The following PAMR1 variants were observed in gnomAD, a reference collection of about 807,000 sequenced individuals.
PAMR1 encodes the protein peptidase domain containing associated with muscle regeneration 1.
In PAMR1, 88 loss-of-function variants were observed where a neutral mutation model predicts 81.8. The observed-to-expected ratio is 1.08, with a 90% confidence interval of 0.91 to 1.28. PAMR1 has a LOEUF of 1.28. Ranked by LOEUF, PAMR1 falls within the 50% of genes most tolerant of loss-of-function variation. The pLI, the probability that PAMR1 is intolerant of heterozygous loss-of-function variation, is 0.00. For missense variants in PAMR1, 935 were observed against 919.7 expected, an observed-to-expected ratio of 1.02 and a Z score of -0.21; for synonymous variants, 336 against 345.3, an observed-to-expected ratio of 0.97 and a Z score of 0.30.
chr11:35,528,450 T>G (rs1851423686), upstream of PAMR1, among the ~76,000 whole-genome samples: 1 of 152,246 alleles, frequency 6.6e-6, no homozygotes, highest in Admixed American at 6.5e-5. Context: ...TTGTTTGTCT[T>G]GCCACTTCTC....
At chr11:35,494,410 T>C (rs1850686298) in intron 1 of PAMR1, 138 bp from the exon 2 acceptor site, 1 of 672,944 alleles carries the variant, frequency 1.5e-6, no homozygotes, top group Admixed American at 2.4e-5. Flanking sequence ...CTCGGCTCAC[T>C]GTAAGCTCTG....
upstream of PAMR1, among the ~76,000 whole-genome samples, chr11:35,529,543 G>A (rs1427960230): frequency 6.6e-6 from 1 of 152,140 alleles, no homozygotes; most frequent in Non-Finnish European, 1.5e-5. Context: ...GTACACTTGG[G>A]CATGTTATTT....
intron 1 of PAMR1, 66 bp downstream of exon 1, chr11:35,525,447 C>T: frequency 7.4e-7 from 1 of 1,354,552 alleles, no homozygotes; most frequent in South Asian, 1.2e-5. Flanking sequence ...CCCAGGCAGA[C>T]CCCAGGAGGA....
At position 35,492,076 on chromosome 11, in the gene PAMR1, G is replaced by T. The variant is rs772287916; in HGVS notation, c.348C>A (p.Cys116Ter). Residue 116 changes from cysteine to a stop codon, truncating the protein, a stop_gained, in exon 3 of 11, where the codon TGC becomes TGA. Coordinates refer to ENST00000619888, the MANE Select transcript of PAMR1 (RefSeq NM_001001991.3). LOFTEE classifies it high-confidence loss of function. ...FYVKGFYCAE[C>*]RAGWYGGDCM... ...AGTCTCCTCCGTACCAGCCTGCTCG[G>T]CACTCTGCACAGTAGAACCCCTTCA... 6 of 1,613,812 alleles carry T rather than the reference G, an allele frequency of 3.7e-6. No homozygotes were observed. In the South Asian group the frequency reaches 5.5e-5, roughly 15 times the overall value.
chr11:35,477,761 T>C (rs1480431644), intron 3 of PAMR1, among the ~76,000 whole-genome samples: 2 of 152,194 alleles, frequency 1.3e-5, no homozygotes, highest in African/African-American at 4.8e-5. Context: ...TTTGCTGATA[T>C]GTTAAACTGT....
intron 6 of PAMR1, chr11:35,453,421 G>A (rs943164032): frequency 1.3e-5 from 2 of 152,120 alleles, no homozygotes; most frequent in East Asian, 1.9e-4. Flanking sequence ...CTGTACATTC[G>A]TATCTTTTAA....
At chr11:35,493,479 A>C (rs1028611568) in intron 2 of PAMR1, among the ~76,000 whole-genome samples, 3 of 151,838 alleles carry the variant, frequency 2.0e-5, no homozygotes, top group Admixed American at 6.6e-5. Flanking sequence ...CATCACATAC[A>C]CATTTCTCCT....
chr11:35,481,053 C>T (rs1483994793), intron 3 of PAMR1, among the ~76,000 whole-genome samples: 4 of 152,220 alleles, frequency 2.6e-5, no homozygotes, highest in Non-Finnish European at 5.9e-5. Flanking sequence ...TTTATGGCTA[C>T]ATAATATTCC....
intron 1 of PAMR1, among the ~76,000 whole-genome samples, chr11:35,504,787 T>C (rs1293348561): frequency 1.3e-5 from 2 of 152,028 alleles, no homozygotes; most frequent in Non-Finnish European, 2.9e-5. Flanking sequence ...AGCTAAAGGT[T>C]TGTTGATTTT....
At position 35,456,694 on chromosome 11, in the gene PAMR1, C is replaced by A. The variant is rs1856539978; in HGVS notation, c.820+11307G>T. On this transcript the variant is annotated intron_variant, in intron 6 of 10. Transcript: ENST00000619888. ...AGGCACTTCTTTATGATAGGAGCAG[C>A]CATTTTCAAACATGCTGCATAGCAT... Among the ~76,000 whole-genome samples, 5 of 152,152 alleles carry A rather than the reference C, an allele frequency of 3.3e-5. No homozygotes were observed. In the South Asian group the frequency reaches 1.0e-3, roughly 32 times the overall value.
chr11:35,445,982 G>A (rs1368899250), intron 6 of PAMR1, among the ~76,000 whole-genome samples: 4 of 152,082 alleles, frequency 2.6e-5, no homozygotes, highest in African/African-American at 4.8e-5. Flanking sequence ...TTGATTGGTA[G>A]GCTATTAATT....
intron 7 of PAMR1, 69 bp downstream of exon 7, chr11:35,441,412 C>T: frequency 8.9e-7 from 1 of 1,129,902 alleles, no homozygotes; most frequent in South Asian, 1.4e-5. Context: ...TAAAAACATG[C>T]AAAGGAGCTA....
Position 35,494,195 on chromosome 11 carries a change from T to C in PAMR1, c.151A>G (p.Ile51Val), listed in dbSNP as rs200810478. Residue 51 changes from isoleucine (I) to valine (V), a missense_variant, in exon 2 of 11, where the codon ATT becomes GTT. Transcript: ENST00000619888. ...MCRECCEYDQ[I>V]ECVCPGKREV... Reference sequence around the variant, plus strand: ...CTCTTTCCGGGGCAGACGCACTCAATCTGATCATATTCACAGCACTCCCGA... The same window carrying C: ...CTCTTTCCGGGGCAGACGCACTCAACCTGATCATATTCACAGCACTCCCGA... 6.2e-7 allele frequency: 1 copy of C among 1,614,064 alleles called. No individual in the cohort carries two copies. Among genetic ancestry groups the C allele is most frequent in the African/African-American group, 1.3e-5 (1 of 75,046 alleles).
At chr11:35,435,581 A>T (rs1285469159) in intron 9 of PAMR1, among the ~76,000 whole-genome samples, 1 of 152,136 alleles carries the variant, frequency 6.6e-6, no homozygotes, top group Non-Finnish European at 1.5e-5. Context: ...TGGGGCTTAA[A>T]CAGGGTAGCC....
At chr11:35,528,376 C>A (rs749179574), upstream of PAMR1, among the ~76,000 whole-genome samples, 1 of 152,148 alleles carries the variant, frequency 6.6e-6, no homozygotes, top group Non-Finnish European at 1.5e-5. Context: ...GTCTTATCTC[C>A]CATTAGGACC....
intron 1 of PAMR1, among the ~76,000 whole-genome samples, chr11:35,495,075 C>G (rs1433601866): frequency 6.6e-6 from 1 of 152,218 alleles, no homozygotes; most frequent in African/African-American, 2.4e-5. Flanking sequence ...ATGTGGCCAT[C>G]AGAAAATTTG....
intron 6 of PAMR1, among the ~76,000 whole-genome samples, chr11:35,459,601 A>G (rs1368487793): frequency 6.6e-6 from 1 of 152,172 alleles, no homozygotes; most frequent in African/African-American, 2.4e-5. Context: ...CTTGGGGATG[A>G]AGAGAATGAA....
At chr11:35,474,816 G>C in intron 3 of PAMR1, 72 bp from the exon 4 acceptor site, 1 of 968,084 alleles carries the variant, frequency 1.0e-6, no homozygotes, top group South Asian at 1.4e-5. Flanking sequence ...AGGTCTCAAC[G>C]AGACTTTGAG....
intron 1 of PAMR1, among the ~76,000 whole-genome samples, chr11:35,498,808 C>T (rs764384269): frequency 4.6e-5 from 7 of 152,188 alleles, no homozygotes; most frequent in East Asian, 1.9e-4. Flanking sequence ...CAGGCCTTCA[C>T]GTAAATGACG....
Sources: allele counts gnomAD v4.1 joint callset (sites outside exome capture counted in the v4.1 genomes callset), GRCh38; gene constraint gnomAD v4.1.1; transcripts MANE v1.5; gene names NCBI Gene and HGNC (gene_info 2026-07-23, HGNC 2026-07-21).